The following SLC38A12 variants were observed in gnomAD, a reference collection of about 807,000 sequenced individuals.
SLC38A12 encodes putative sodium-coupled neutral amino acid transporter 12.
the SLC38A12 span, among the ~76,000 whole-genome samples, chr17:74,795,895 C>A: frequency 1.3e-3 from 192 of 152,198 alleles, no homozygotes; most frequent in Non-Finnish European, 2.2e-3. Context: ...AGATTCAGGA[C>A]CGTGACTGTT....
At chr17:74,783,444 T>C in the SLC38A12 span, among the ~76,000 whole-genome samples, 1 of 152,144 alleles carries the variant, frequency 6.6e-6, no homozygotes, top group Non-Finnish European at 1.5e-5. Flanking sequence ...AAGGACTTTG[T>C]GGTAGAAGTT....
At chr17:74,832,100 G>A in the SLC38A12 span, among the ~76,000 whole-genome samples, 1 of 152,108 alleles carries the variant, frequency 6.6e-6, no homozygotes, top group Non-Finnish European at 1.5e-5. Flanking sequence ...CAGGAGCCTC[G>A]CCAGGTGGGC....
chr17:74,794,981 GCTCC>G, the SLC38A12 span: 3 of 1,575,328 alleles, frequency 1.9e-6, no homozygotes, highest in Non-Finnish European at 2.6e-6. Flanking sequence ...TCTCTTTGTG[GCTCC>G]CTGACTGATG....
the SLC38A12 span, among the ~76,000 whole-genome samples, chr17:74,786,395 C>T: frequency 6.6e-6 from 1 of 152,230 alleles, no homozygotes; most frequent in African/African-American, 2.4e-5. Context: ...ATCTGTGCAC[C>T]AAGCACCCTT....
the SLC38A12 span, among the ~76,000 whole-genome samples, chr17:74,811,536 C>G: frequency 3.1e-4 from 46 of 148,654 alleles, no homozygotes; most frequent in Non-Finnish European, 5.4e-4. Flanking sequence ...GCCTGGCCAA[C>G]ATGGTGAAAT....
At chr17:74,824,476 G>T in the SLC38A12 span, among the ~76,000 whole-genome samples, 1 of 152,208 alleles carries the variant, frequency 6.6e-6, no homozygotes, top group Non-Finnish European at 1.5e-5. Context: ...GGAGCTCTCG[G>T]GCTGAAGTAT....
the SLC38A12 span, among the ~76,000 whole-genome samples, chr17:74,783,353 T>G: frequency 6.6e-6 from 1 of 152,180 alleles, no homozygotes; most frequent in African/African-American, 2.4e-5. Flanking sequence ...TGCCAATATC[T>G]AAAACCCAAG....
the SLC38A12 span, among the ~76,000 whole-genome samples, chr17:74,807,158 G>C: frequency 1.4e-5 from 2 of 144,070 alleles, no homozygotes; most frequent in African/African-American, 2.6e-5. Flanking sequence ...TGCTGTCACG[G>C]CCTGGCCCAC....
the SLC38A12 span, chr17:74,790,161 T>G: frequency 1.3e-6 from 2 of 1,544,584 alleles, no homozygotes; most frequent in Non-Finnish European, 1.8e-6. Flanking sequence ...TTTTCCCTTG[T>G]TTTCCTCCCT....
chr17:74,825,228 G>A, the SLC38A12 span, among the ~76,000 whole-genome samples: 8 of 152,294 alleles, frequency 5.3e-5, no homozygotes, highest in African/African-American at 9.6e-5. Context: ...AGGTCTCTGC[G>A]GCAGCCCTGC....
At chr17:74,808,945 C>A in the SLC38A12 span, among the ~76,000 whole-genome samples, 3 of 152,200 alleles carry the variant, frequency 2.0e-5, no homozygotes, top group South Asian at 2.1e-4. Flanking sequence ...GGTTCCCTCC[C>A]AGGTGGCACC....
At chr17:74,837,591 C>T in the SLC38A12 span, 1 of 985,470 alleles carries the variant, frequency 1.0e-6, no homozygotes, top group Non-Finnish European at 1.2e-6. Flanking sequence ...AATGGTCAGG[C>T]TGCCCGTGCT....
the SLC38A12 span, chr17:74,837,698 C>T: frequency 1.0e-6 from 1 of 985,726 alleles, no homozygotes; most frequent in Non-Finnish European, 1.2e-6. Flanking sequence ...GGATGGGGCC[C>T]CCACTTCCAT....
At chr17:74,833,780 A>G in the SLC38A12 span, among the ~76,000 whole-genome samples, 1 of 152,206 alleles carries the variant, frequency 6.6e-6, no homozygotes, top group Non-Finnish European at 1.5e-5. Flanking sequence ...GCCAAGTGCC[A>G]GGTCTCAAGG....
At chr17:74,818,714 A>G in the SLC38A12 span, among the ~76,000 whole-genome samples, 6 of 152,370 alleles carry the variant, frequency 3.9e-5, no homozygotes, top group East Asian at 3.9e-4. Context: ...GGTGAGCGTC[A>G]TTAGCATTAA....
chr17:74,806,691 C>T, the SLC38A12 span, among the ~76,000 whole-genome samples: 4 of 152,152 alleles, frequency 2.6e-5, no homozygotes, highest in Non-Finnish European at 4.4e-5. Flanking sequence ...GGGCATTCCT[C>T]GCTCTGTCTC....
chr17:74,825,256 C>T, the SLC38A12 span, among the ~76,000 whole-genome samples: 1 of 152,252 alleles, frequency 6.6e-6, no homozygotes, highest in African/African-American at 2.4e-5. Context: ...CCAACTGGGC[C>T]ACTGTCCAGG....
chr17:74,817,042 G>A, the SLC38A12 span, among the ~76,000 whole-genome samples: 2 of 129,840 alleles, frequency 1.5e-5, no homozygotes, highest in African/African-American at 3.0e-5. Context: ...AGACCTCAGC[G>A]GCCACACCGT....
the SLC38A12 span, chr17:74,795,633 G>A: frequency 6.2e-7 from 1 of 1,612,486 alleles, no homozygotes; most frequent in Non-Finnish European, 8.5e-7. Flanking sequence ...CATCTACTTG[G>A]TGAGTGTCTG....
Sources: allele counts gnomAD v4.1 joint callset (sites outside exome capture counted in the v4.1 genomes callset), GRCh38; gene constraint gnomAD v4.1.1; transcripts MANE v1.5; gene names NCBI Gene and HGNC (gene_info 2026-07-23, HGNC 2026-07-21).